Variants in SRGAP2 observed in about 807,000 individuals in gnomAD.
The protein encoded by SRGAP2 is SLIT-ROBO Rho GTPase activating protein 2.
Under a neutral mutation model 57.2 loss-of-function variants are expected in SRGAP2, and 15 were observed. The observed-to-expected ratio is 0.26, with a 90% CI of 0.18 to 0.40. SRGAP2 has a LOEUF of 0.40. Ranked by LOEUF, SRGAP2 falls within the 10% of genes least tolerant of loss-of-function variation. The probability of loss-of-function intolerance (pLI) is 1.00; values close to 1 mark genes in which losing one functional copy is unlikely to be tolerated. For missense variants in SRGAP2, 520 were observed against 669.6 expected, an observed-to-expected ratio of 0.78 and a Z score of 2.47; for synonymous variants, 249 against 248.0, an observed-to-expected ratio of 1.00 and a Z score of -0.04.
At chr1:206,435,674 T>C (rs1253664811) in intron 14 of SRGAP2, among the ~76,000 whole-genome samples, 2 of 152,202 alleles carry the variant, frequency 1.3e-5, no homozygotes, top group Non-Finnish European at 2.9e-5. Context: ...AGGCCTGAGT[T>C]TGAGTCATGG....
At chr1:206,257,171 C>CT (rs879965721) in intron 2 of SRGAP2, among the ~76,000 whole-genome samples, 5 of 73,020 alleles carry the variant, frequency 6.8e-5, no homozygotes, top group Non-Finnish European at 5.3e-5. Flanking sequence ...TTGCATTTTA[C>CT]TTTTTTTTTT....
At chr1:206,416,004 G>T in intron 11 of SRGAP2, 31 bp downstream of exon 11, 1 of 771,532 alleles carries the variant, frequency 1.3e-6, no homozygotes, top group South Asian at 1.4e-5. Flanking sequence ...CTAGAGGCTT[G>T]ACAGTGAGGC....
intron 18 of SRGAP2, among the ~76,000 whole-genome samples, chr1:206,448,477 G>C (rs782606491): frequency 2.6e-5 from 4 of 152,184 alleles, no homozygotes; most frequent in Non-Finnish European, 5.9e-5. Flanking sequence ...GGCTAGAAGA[G>C]ACCTCAGAAA....
At chr1:206,398,802 G>A (rs1558389531) in intron 7 of SRGAP2, among the ~76,000 whole-genome samples, 1 of 152,184 alleles carries the variant, frequency 6.6e-6, no homozygotes. Flanking sequence ...GTAGAGGCCA[G>A]GGTCACTGGA....
At chr1:206,321,799 C>T (rs1673468691) in intron 3 of SRGAP2, among the ~76,000 whole-genome samples, 1 of 151,976 alleles carries the variant, frequency 6.6e-6, no homozygotes, top group Admixed American at 6.6e-5. Flanking sequence ...GATATGTCCC[C>T]ATCGTTCTTT....
chr1:206,237,565 T>A (rs1323034692), intron 2 of SRGAP2, among the ~76,000 whole-genome samples: 1 of 151,876 alleles, frequency 6.6e-6, no homozygotes, highest in Non-Finnish European at 1.5e-5. Flanking sequence ...TCAGCAGCAA[T>A]TTTTTTTAGC....
At chr1:206,209,879 G>A (rs1666198679) in intron 2 of SRGAP2, among the ~76,000 whole-genome samples, 1 of 90,716 alleles carries the variant, frequency 1.1e-5, no homozygotes, top group Non-Finnish European at 1.9e-5. Context: ...TAAATGCTAT[G>A]TAAATAGTTA....
chr1:206,213,947 T>C (rs1478757971), intron 2 of SRGAP2, among the ~76,000 whole-genome samples: 6 of 151,522 alleles, frequency 4.0e-5, no homozygotes, highest in Admixed American at 2.6e-4. Flanking sequence ...AACGAAAAAA[T>C]AGATCTGGCC....
chr1:206,342,126 A>G (rs1553335372), intron 3 of SRGAP2, among the ~76,000 whole-genome samples: 1 of 152,138 alleles, frequency 6.6e-6, no homozygotes, highest in South Asian at 2.1e-4. Flanking sequence ...TCATGGCTCA[A>G]TAAATGAAAT....
At chr1:206,453,470 A>T in intron 20 of SRGAP2, 90 bp downstream of exon 20, 7 of 478,674 alleles carry the variant, frequency 1.5e-5, no homozygotes, top group Non-Finnish European at 2.7e-5. Flanking sequence ...ACTATGAGGG[A>T]GGCCAACCCC....
intron 4 of SRGAP2, among the ~76,000 whole-genome samples, chr1:206,349,587 A>G (rs1471145579): frequency 7.0e-6 from 1 of 142,678 alleles, no homozygotes; most frequent in Non-Finnish European, 1.5e-5. Flanking sequence ...AATACTTTGC[A>G]GATATGACTA....
chr1:206,456,991 G>A (rs1232180820), intron 21 of SRGAP2, among the ~76,000 whole-genome samples: 2 of 152,154 alleles, frequency 1.3e-5, no homozygotes, highest in Non-Finnish European at 2.9e-5. Context: ...TGAGTGAGGT[G>A]CCCTTATGCT....
chr1:206,333,224 A>C, intron 3 of SRGAP2: 1 of 651,732 alleles, frequency 1.5e-6, no homozygotes, highest in Admixed American at 2.4e-5. Context: ...CTCAGATGGA[A>C]ATGCAGAAAT....
At chr1:206,435,372 A>G (rs1159958720) in intron 14 of SRGAP2, among the ~76,000 whole-genome samples, 3 of 152,200 alleles carry the variant, frequency 2.0e-5, no homozygotes, top group Non-Finnish European at 4.4e-5. Context: ...TTTTTGAAGG[A>G]TTGTGCCGTA....
At chr1:206,282,132 A>G (rs1259839810) in intron 2 of SRGAP2, among the ~76,000 whole-genome samples, 1 of 75,192 alleles carries the variant, frequency 1.3e-5, no homozygotes, top group African/African-American at 6.4e-5. Context: ...GCTGCATCCA[A>G]CCTAAGCCTG....
intron 2 of SRGAP2, among the ~76,000 whole-genome samples, chr1:206,279,560 C>T: frequency 1.0e-5 from 1 of 95,878 alleles, no homozygotes; most frequent in South Asian, 4.2e-4. Flanking sequence ...GGACCACAGA[C>T]ATGCACCACC....
At chr1:206,318,568 A>G (rs1401871823) in intron 3 of SRGAP2, among the ~76,000 whole-genome samples, 1 of 152,234 alleles carries the variant, frequency 6.6e-6, no homozygotes, top group Non-Finnish European at 1.5e-5. Flanking sequence ...TAAATACCTG[A>G]GGCTGGGTAA....
At chr1:206,433,789 G>A (rs1661484139) in intron 14 of SRGAP2, among the ~76,000 whole-genome samples, 1 of 152,134 alleles carries the variant, frequency 6.6e-6, no homozygotes, top group South Asian at 2.1e-4. Flanking sequence ...TAAGTAATTT[G>A]TCTTGACTGT....
chr1:206,347,639 C>A (rs1176213000), intron 4 of SRGAP2, among the ~76,000 whole-genome samples: 2 of 151,192 alleles, frequency 1.3e-5, no homozygotes, highest in Non-Finnish European at 2.9e-5. Context: ...TAACTCCAGT[C>A]ACCTGGCTCT....
Sources: allele counts gnomAD v4.1 joint callset (sites outside exome capture counted in the v4.1 genomes callset), GRCh38; gene constraint gnomAD v4.1.1; transcripts MANE v1.5; gene names NCBI Gene and HGNC (gene_info 2026-07-23, HGNC 2026-07-21).